The following NALF1 variants were observed in gnomAD, a reference collection of about 807,000 sequenced individuals.
NALF1 encodes the protein NALCN channel auxiliary factor 1, also known as family with sequence similarity 155 member A.
A neutral mutation model predicts 48.4 loss-of-function variants in NALF1; 3 were observed. The ratio of observed to expected loss-of-function variants is 0.06; its 90% CI spans 0.03 to 0.16. NALF1 has a LOEUF of 0.16. Ranked by LOEUF, NALF1 falls within the 10% of genes least tolerant of loss-of-function variation. The pLI is 1.00. For missense variants in NALF1, 526 were observed against 571.5 expected (o/e 0.92, Z 0.81); for synonymous variants, 262 against 245.7 (o/e 1.07, Z -0.62).
chr13:107,412,177 C>T (rs761309949), intron 1 of NALF1, among the ~76,000 whole-genome samples: 13 of 152,072 alleles, frequency 8.5e-5, no homozygotes, highest in African/African-American at 4.8e-5. Flanking sequence ...TAGTTTCCCA[C>T]GTGAACCTCA....
intron 1 of NALF1, among the ~76,000 whole-genome samples, chr13:107,596,007 G>A (rs1483072029): frequency 6.6e-6 from 1 of 152,146 alleles, no homozygotes; most frequent in Non-Finnish European, 1.5e-5. Context: ...AGGTTGTGGG[G>A]TGGAAACTGC....
At chr13:107,332,877 G>A (rs1320479087) in intron 1 of NALF1, among the ~76,000 whole-genome samples, 1 of 151,986 alleles carries the variant, frequency 6.6e-6, no homozygotes, top group African/African-American at 2.4e-5. Context: ...ACAGAGTATT[G>A]CTCTATGGCC....
chr13:107,339,112 C>T (rs1487764190), intron 1 of NALF1, among the ~76,000 whole-genome samples: 13 of 126,554 alleles, frequency 1.0e-4, no homozygotes, highest in South Asian at 8.0e-4. Context: ...CCAGCCTGGG[C>T]GACAGAGGGA....
At chr13:107,591,118 G>T (rs1878590486) in intron 1 of NALF1, among the ~76,000 whole-genome samples, 2 of 152,002 alleles carry the variant, frequency 1.3e-5, no homozygotes, top group African/African-American at 4.8e-5. Flanking sequence ...TAATAAAGAT[G>T]AGAGTAACAA....
intron 1 of NALF1, among the ~76,000 whole-genome samples, chr13:107,496,118 T>G (rs1343211025): frequency 1.3e-5 from 2 of 152,172 alleles, no homozygotes; most frequent in East Asian, 3.8e-4. Flanking sequence ...CTCAATTTCT[T>G]TATTAGAATT....
rs1317031959 is a variant in NALF1 at position 107,166,739 on chromosome 13, CCT to C, written c.*3756_*3757del. 1 of 152,046 alleles carries C rather than the reference CCT, an allele frequency of 6.6e-6. No individual in the cohort carries two copies. Among genetic ancestry groups the C allele is most frequent in the Non-Finnish European group, 1.5e-5 (1 of 68,008 alleles). 9.4% of individuals were successfully genotyped at this position (152,046 alleles called of 1,614,324 possible). ...TCATTCATATGAAACCTCCTTTCCC[CCT>C]CATTCCCCGACTCTATCCCTCCCTT... On this transcript the variant is annotated 3_prime_UTR_variant, in exon 3 of 3. Transcript: ENST00000375915.
chr13:107,451,247 A>G (rs758163696), intron 1 of NALF1, among the ~76,000 whole-genome samples: 28 of 152,316 alleles, frequency 1.8e-4, no homozygotes, highest in Non-Finnish European at 1.5e-4. Flanking sequence ...AAGACCCGCC[A>G]GTAAGATTCA....
At chr13:107,603,406 A>G (rs1017209977) in intron 1 of NALF1, among the ~76,000 whole-genome samples, 23 of 152,204 alleles carry the variant, frequency 1.5e-4, no homozygotes, top group African/African-American at 5.5e-4. Flanking sequence ...TAAATATGAG[A>G]GGTTCTTTTT....
chr13:107,510,923 A>T (rs1875867701), intron 1 of NALF1, among the ~76,000 whole-genome samples: 1 of 152,164 alleles, frequency 6.6e-6, no homozygotes, highest in African/African-American at 2.4e-5. Context: ...AGATTTATTA[A>T]GATTCTCCAG....
intron 2 of NALF1, among the ~76,000 whole-genome samples, chr13:107,176,442 AC>A (rs1470430378): frequency 6.6e-6 from 1 of 151,366 alleles, no homozygotes; most frequent in East Asian, 2.0e-4. Context: ...GGAGATCGAG[AC>A]CATCCTGGCT....
chr13:107,568,662 C>T (rs922549858), intron 1 of NALF1, among the ~76,000 whole-genome samples: 7 of 152,108 alleles, frequency 4.6e-5, no homozygotes, highest in Non-Finnish European at 1.0e-4. Flanking sequence ...GTACTAATTT[C>T]TCATTGTAGT....
intron 2 of NALF1, among the ~76,000 whole-genome samples, chr13:107,184,067 T>G (rs1879123414): frequency 6.6e-6 from 1 of 151,758 alleles, no homozygotes; most frequent in African/African-American, 2.4e-5. Context: ...AACCTCTGCC[T>G]CTCAGGTTCA....
At chr13:107,204,666 G>A (rs954905692) in intron 2 of NALF1, among the ~76,000 whole-genome samples, 1 of 152,130 alleles carries the variant, frequency 6.6e-6, no homozygotes, top group African/African-American at 2.4e-5. Flanking sequence ...AAGATGTCAC[G>A]AACATATGAA....
intron 1 of NALF1, among the ~76,000 whole-genome samples, chr13:107,705,491 C>CAA (rs1881926243): frequency 7.6e-6 from 1 of 130,988 alleles, no homozygotes; most frequent in Non-Finnish European, 1.6e-5. Flanking sequence ...GGTTCATATG[C>CAA]TAAGTCTAAA....
chr13:107,576,163 A>G (rs187538894), intron 1 of NALF1, among the ~76,000 whole-genome samples: 3 of 152,266 alleles, frequency 2.0e-5, no homozygotes, highest in East Asian at 1.9e-4. Flanking sequence ...GCGCTCTACC[A>G]TAGTCTTTAG....
intron 1 of NALF1, among the ~76,000 whole-genome samples, chr13:107,357,473 A>C (rs747423249): frequency 7.9e-5 from 12 of 152,174 alleles, no homozygotes; most frequent in Non-Finnish European, 1.8e-4. Flanking sequence ...AGCCATATCA[A>C]TCACGTAGAA....
At chr13:107,442,891 G>T (rs1021589924) in intron 1 of NALF1, among the ~76,000 whole-genome samples, 57 of 152,230 alleles carry the variant, frequency 3.7e-4, no homozygotes, top group African/African-American at 1.3e-3. Context: ...GAAGAATGCA[G>T]ACTCATATAA....
intron 1 of NALF1, among the ~76,000 whole-genome samples, chr13:107,674,098 C>G (rs990099678): frequency 6.6e-6 from 1 of 151,766 alleles, no homozygotes; most frequent in African/African-American, 2.4e-5. Context: ...ATTTTAATAT[C>G]TAATCTGATT....
chr13:107,809,642 A>G (rs1053885987), intron 1 of NALF1, among the ~76,000 whole-genome samples: 5 of 152,104 alleles, frequency 3.3e-5, no homozygotes, highest in Admixed American at 6.6e-5. Context: ...GGAAGCATGA[A>G]ATGTGCCCTC....
Sources: gnomAD v4.1 joint callset for allele counts (sites outside exome capture counted in the v4.1 genomes callset) on GRCh38, gnomAD v4.1.1 for gene constraint, MANE v1.5 for transcripts, NCBI Gene and HGNC (gene_info 2026-07-23, HGNC 2026-07-21) for gene names.